The following TTC3 variants were observed in gnomAD, a reference collection of about 807,000 sequenced individuals.
TTC3 encodes tetratricopeptide repeat domain 3.
Under a neutral mutation model 249.6 loss-of-function variants are expected in TTC3, and 180 were observed. That is an observed-to-expected ratio of 0.72 (90% CI 0.64 to 0.82). TTC3 has a LOEUF of 0.82. TTC3 is among the 40% of genes least tolerant of loss of function. The pLI is 0.00. For missense variants in TTC3, 2,061 were observed against 2,398.4 expected, an observed-to-expected ratio of 0.86 and a Z score of 2.94; for synonymous variants, 717 against 805.0, an observed-to-expected ratio of 0.89 and a Z score of 1.85.
chr21:37,175,738 CTATT>C (rs750191180), intron 35 of TTC3, among the ~76,000 whole-genome samples: 15 of 151,472 alleles, frequency 9.9e-5, no homozygotes, highest in Non-Finnish European at 1.8e-4. Flanking sequence ...GGCCAGTTAT[CTATT>C]CTCTGCCGGC....
intron 1 of TTC3, among the ~76,000 whole-genome samples, chr21:37,075,878 T>C (rs1014520136): frequency 6.6e-6 from 1 of 152,200 alleles, no homozygotes; most frequent in African/African-American, 2.4e-5. Context: ...TTAAAAGTAT[T>C]TTTTTTCTTA....
intron 6 of TTC3, 136 bp downstream of exon 6, chr21:37,090,422 T>C: frequency 1.0e-6 from 1 of 1,003,598 alleles, no homozygotes; most frequent in Non-Finnish European, 1.4e-6. Flanking sequence ...TTCTATATTT[T>C]CCTTAAGGAG....
chr21:37,154,100 G>A (rs2079756266), intron 27 of TTC3, among the ~76,000 whole-genome samples: 2 of 152,244 alleles, frequency 1.3e-5, no homozygotes, highest in African/African-American at 4.8e-5. Flanking sequence ...AGGTAGGGAT[G>A]CTTTGGGCAC....
chr21:37,113,189 C>T (rs1190014989), intron 11 of TTC3, among the ~76,000 whole-genome samples: 1 of 152,152 alleles, frequency 6.6e-6, no homozygotes, highest in Non-Finnish European at 1.5e-5. Flanking sequence ...AAGTTCTGGC[C>T]AGGGCAATCA....
At chr21:37,159,844 C>T in intron 29 of TTC3, 99 bp downstream of exon 29, 1 of 1,119,620 alleles carries the variant, frequency 8.9e-7, no homozygotes, top group Non-Finnish European at 1.3e-6. Flanking sequence ...TCACAGCCAG[C>T]ATTCAAGAAC....
chr21:37,122,321 TAA>T (rs2076646199), intron 12 of TTC3, among the ~76,000 whole-genome samples: 1 of 150,660 alleles, frequency 6.6e-6, no homozygotes, highest in South Asian at 2.1e-4. Flanking sequence ...CCTTCATTGC[TAA>T]AGTTATTTCC....
intron 15 of TTC3, among the ~76,000 whole-genome samples, chr21:37,126,787 C>T (rs933750478): frequency 1.1e-4 from 17 of 152,152 alleles, no homozygotes; most frequent in African/African-American, 4.1e-4. Context: ...TCATAGATGG[C>T]CATCTTTTTG....
exon 46 of TTC3, chr21:37,201,475 C>T (rs2085497546): frequency 6.2e-7 from 1 of 1,613,902 alleles, no homozygotes. Flanking sequence ...AGAGCGCTTG[C>T]CCGGCCTGCC....
chr21:37,141,412 T>TC (rs144048156), intron 20 of TTC3, among the ~76,000 whole-genome samples: 21,022 of 150,482 alleles, frequency 0.14, 1,554 homozygotes, highest in Admixed American at 0.17. Flanking sequence ...TTTTGGGGAA[T>TC]CCCCCCCCCA....
At chr21:37,142,200 A>G (rs1415087856) in intron 20 of TTC3, among the ~76,000 whole-genome samples, 10 of 152,232 alleles carry the variant, frequency 6.6e-5, no homozygotes, top group Non-Finnish European at 1.5e-5. Context: ...CAAGATAGGG[A>G]TGCCCTCTCT....
chr21:37,157,389 C>T (rs1440315325), intron 28 of TTC3, among the ~76,000 whole-genome samples: 1 of 152,176 alleles, frequency 6.6e-6, no homozygotes, highest in Non-Finnish European at 1.5e-5. Flanking sequence ...TCATTAAAAA[C>T]CCTGTGGGCC....
chr21:37,141,219 C>T (rs1239132011), intron 20 of TTC3, among the ~76,000 whole-genome samples: 8 of 152,012 alleles, frequency 5.3e-5, no homozygotes, highest in Non-Finnish European at 1.5e-5. Context: ...TCAGTATGTC[C>T]CTGAGGGGAC....
At chr21:37,197,907 C>T (rs1158177316) in exon 44 of TTC3, 2 of 1,613,754 alleles carry the variant, frequency 1.2e-6, no homozygotes, top group African/African-American at 1.3e-5. Flanking sequence ...GACAAGAGGA[C>T]TTATGAGCCC....
intron 35 of TTC3, among the ~76,000 whole-genome samples, chr21:37,174,264 G>A (rs1212589457): frequency 1.3e-5 from 2 of 152,172 alleles, no homozygotes; most frequent in African/African-American, 4.8e-5. Flanking sequence ...CTTTGAGTCT[G>A]CTGTTGCGTG....
At chr21:37,144,786 A>G in intron 21 of TTC3, 141 bp downstream of exon 21, 6 of 1,055,582 alleles carry the variant, frequency 5.7e-6, no homozygotes, top group Non-Finnish European at 7.9e-6. Flanking sequence ...TCTAATGAGA[A>G]TCTCTGACAT....
chr21:37,192,020 C>T (rs2084197719), intron 40 of TTC3, 92 bp from the exon 41 acceptor site: 4 of 784,180 alleles, frequency 5.1e-6, no homozygotes, highest in Admixed American at 3.0e-5. Flanking sequence ...ATTTCCTTAC[C>T]AAGACAGTTA....
chr21:37,197,184 G>A (rs1410759672), intron 42 of TTC3, among the ~76,000 whole-genome samples: 1 of 152,178 alleles, frequency 6.6e-6, no homozygotes, highest in Non-Finnish European at 1.5e-5. Context: ...TGATTAGCCA[G>A]CAGGCATGGT....
intron 20 of TTC3, 112 bp from the exon 21 acceptor site, chr21:37,144,413 G>A: frequency 2.4e-6 from 3 of 1,265,514 alleles, no homozygotes; most frequent in Non-Finnish European, 3.3e-6. Context: ...TTGCTGTTCA[G>A]TGATTCATCA....
intron 21 of TTC3, among the ~76,000 whole-genome samples, chr21:37,147,110 G>C (rs989520079): frequency 1.3e-5 from 2 of 152,130 alleles, no homozygotes; most frequent in South Asian, 4.1e-4. Context: ...GAGGAGCCTG[G>C]TAAAGTCCTC....
Sources: allele counts gnomAD v4.1 joint callset (sites outside exome capture counted in the v4.1 genomes callset), GRCh38; gene constraint gnomAD v4.1.1; transcripts MANE v1.5; gene names NCBI Gene and HGNC (gene_info 2026-07-23, HGNC 2026-07-21).